Variants in TIMM17B observed in about 807,000 individuals in gnomAD.
The protein encoded by TIMM17B is mitochondrial import inner membrane translocase subunit Tim17-B.
In TIMM17B, 10 loss-of-function variants were observed where a neutral mutation model predicts 15.9. That is an observed-to-expected ratio of 0.63 (90% CI 0.39 to 1.06). The LOEUF (loss-of-function observed/expected upper bound fraction) is 1.06. Ranked by LOEUF, TIMM17B falls within the 50% of genes least tolerant of loss-of-function variation. The pLI, the probability that TIMM17B is intolerant of heterozygous loss-of-function variation, is 0.01. For missense variants in TIMM17B, 114 were observed against 152.2 expected (o/e 0.75, Z 1.32); for synonymous variants, 57 against 57.2 (o/e 1.00, Z 0.02).
exon 6 of TIMM17B, chrX:48,893,955 G>T: frequency 8.3e-7 from 1 of 1,211,063 alleles, no homozygotes. Context: ...CGCCCTCAAT[G>T]AGGGCCAACA....
At chrX:48,896,923 C>G in intron 2 of TIMM17B, 65 bp from the exon 2 acceptor site, 1 of 1,191,227 alleles carries the variant, frequency 8.4e-7, no homozygotes, top group South Asian at 1.8e-5. Context: ...CACACGAACT[C>G]TTTTCTAACT....
intron 3 of TIMM17B, chrX:48,896,226 G>A (rs1408262473): frequency 3.6e-5 from 4 of 109,879 alleles, no homozygotes; most frequent in African/African-American, 6.7e-5. Context: ...TTGGGAGGCC[G>A]AGGTAGGTGG....
intron 5 of TIMM17B, 35 bp downstream of exon 4, chrX:48,894,061 TG>T: frequency 8.4e-7 from 1 of 1,193,992 alleles, no homozygotes; most frequent in Non-Finnish European, 1.1e-6. Context: ...CAGAACAGGG[TG>T]GAAGGGGCTG....
Position 48,896,913 on chromosome X carries a change from C to CTAACTGGGAGAAACCA in TIMM17B, c.27-56_27-55insTGGTTTCTCCCAGTTA. ...ATGTGAGCCCTCCCCCAGGTCCTGT[C>CTAACTGGGAGAAACCA]ACACGAACTCTTTTCTAACTGGGAG... On this transcript the variant is annotated intron_variant, in intron 2 of 6. Transcript: ENST00000376582. 3 of 1,197,625 alleles carry CTAACTGGGAGAAACCA rather than the reference C, an allele frequency of 2.5e-6. No homozygotes were observed. The East Asian group carries it at 9.0e-5, about 36-fold the overall frequency.
chrX:48,897,738 G>A (rs1557039875), exon 2 of TIMM17B: 2 of 1,209,354 alleles, frequency 1.7e-6, no homozygotes, highest in South Asian at 3.5e-5. Flanking sequence ...GCTCCCGAGC[G>A]TACTCCTCCA....
At chrX:48,896,965 C>T in intron 2 of TIMM17B, 107 bp from the exon 2 acceptor site, 3 of 1,145,391 alleles carry the variant, frequency 2.6e-6, no homozygotes, top group Non-Finnish European at 3.5e-6. Context: ...ATGGGAAGTT[C>T]CTAAGTAGGA....
chrX:48,896,807 G>T, exon 3 of TIMM17B: 1 of 1,210,757 alleles, frequency 8.3e-7, no homozygotes, highest in Non-Finnish European at 1.1e-6. Flanking sequence ...CTCCGCCACC[G>T]ATGACACCCA....
intron 4 of TIMM17B, among the ~76,000 whole-genome samples, 154 bp downstream of exon 3, chrX:48,894,878 TCTTCCC>T (rs1327780003): frequency 9.0e-6 from 1 of 111,331 alleles, no homozygotes; most frequent in Non-Finnish European, 1.9e-5. Context: ...GAACCCACTT[TCTTCCC>T]CTCCATATTC....
chrX:48,893,817 G>A (rs782375343), exon 7 of TIMM17B: 26 of 1,178,616 alleles, frequency 2.2e-5, no homozygotes, highest in Middle Eastern at 2.4e-4. Flanking sequence ...GAATGGGGGC[G>A]CTGGAGAAGG....
Position 48,894,012 on chromosome X carries a change from TG to T in TIMM17B, c.320-3del, listed in dbSNP as rs1557039107. On this transcript the variant is annotated splice_polypyrimidine_tract_variant and splice_region_variant and intron_variant, in intron 5 of 6. Transcript: ENST00000376582. ...AGCCCACCATGGCCAGTGGGCCACC[TG>T]GGGGAGTTGGAGGCAGAGAAACAGA... 8.3e-7 allele frequency: 1 copy of T among 1,199,939 alleles called. No individual in the cohort carries two copies. Among genetic ancestry groups the T allele is most frequent in the Non-Finnish European group, 1.1e-6 (1 of 887,736 alleles).
intron 2 of TIMM17B, chrX:48,897,332 C>A: frequency 4.4e-6 from 1 of 229,880 alleles, no homozygotes; most frequent in East Asian, 8.9e-5. Context: ...CCGTCCCCGC[C>A]GGCCCTCAAC....
At chrX:48,896,851 G>T (rs1557039627) in exon 3 of TIMM17B, 1 of 1,207,467 alleles carries the variant, frequency 8.3e-7, no homozygotes, top group Non-Finnish European at 1.1e-6. Context: ...TCCACAATTC[G>T]CCATGGGCTG....
chrX:48,894,267 G>A, intron 4 of TIMM17B, 42 bp from the exon 4 acceptor site: 1 of 1,191,587 alleles, frequency 8.4e-7, no homozygotes, highest in South Asian at 1.8e-5. Context: ...GGGAAATCCT[G>A]AGAATTCACA....
rs1366578305 is a variant in TIMM17B, at chrX:48,896,578, G to A, written c.126+181C>T. On this transcript the variant is annotated intron_variant, in intron 3 of 6. Transcript: ENST00000376582. ...GGTGGGGTGGAGGGTGGAAGACAGA[G>A]GCCATGTTTGCAATCCCTACAAAAT... 12 of 966,403 alleles carry A rather than the reference G, an allele frequency of 1.2e-5. No individual in the cohort carries two copies. In the African/African-American group the frequency reaches 1.8e-4, roughly 14 times the overall value. 79.6% of individuals were successfully genotyped at this position (966,403 alleles called of 1,213,427 possible).
At chrX:48,898,013 A>G (rs868990177) in intron 1 of TIMM17B, 1 of 988,148 alleles carries the variant, frequency 1.0e-6, no homozygotes, top group Middle Eastern at 3.5e-4. Context: ...GTGTGGGCCC[A>G]GGTATCGTAG....
At chrX:48,897,034 A>C in intron 2 of TIMM17B, 176 bp from the exon 2 acceptor site, 1 of 1,014,784 alleles carries the variant, frequency 9.9e-7, no homozygotes, top group Non-Finnish European at 1.3e-6. Context: ...ACACCCCCCC[A>C]TTAAAGCGAG....
At chrX:48,895,444 G>A in intron 3 of TIMM17B, 1 of 516,151 alleles carries the variant, frequency 1.9e-6, no homozygotes, top group Non-Finnish European at 3.5e-6. Context: ...TTAACGGTGG[G>A]AGACACAGAT....
rs1668143931 is a variant in TIMM17B at position 48,894,345 on chromosome X, AG to A, written c.191-121del. On this transcript the variant is annotated intron_variant, in intron 4 of 6. Transcript: ENST00000376582. The stretch of plus-strand genomic sequence containing the variant: ...GGGAGAAAAACCCAGACACAAAGGC[AG>A]ATAGCAAACCCACACAGAGTATTTC... 3 of 747,826 alleles carry A rather than the reference AG, an allele frequency of 4.0e-6. No homozygotes were observed. In the Admixed American group the frequency reaches 9.1e-5, roughly 23 times the overall value. 61.6% of individuals were successfully genotyped at this position (747,826 alleles called of 1,213,427 possible).
chrX:48,895,981 A>C (rs1403757353), intron 3 of TIMM17B: 2 of 113,413 alleles, frequency 1.8e-5, no homozygotes, highest in African/African-American at 6.7e-5. Context: ...CTCTACAAAT[A>C]AATAAATACA....
Sources: allele counts gnomAD v4.1 joint callset (sites outside exome capture counted in the v4.1 genomes callset), GRCh38; gene constraint gnomAD v4.1.1; transcripts MANE v1.5; gene names NCBI Gene and HGNC (gene_info 2026-07-23, HGNC 2026-07-21).